The following HS3ST3B1 variants were observed in gnomAD, a reference collection of about 807,000 sequenced individuals.
The protein encoded by HS3ST3B1 is heparan sulfate-glucosamine 3-sulfotransferase 3B1, also known as heparan sulfate glucosamine 3-O-sulfotransferase 3B1.
Under a neutral mutation model 21.3 loss-of-function variants are expected in HS3ST3B1, and 13 were observed. The observed-to-expected ratio is 0.61, with a 90% CI of 0.40 to 0.97. The LOEUF (loss-of-function observed/expected upper bound fraction) is 0.97. Among genes scored for constraint, HS3ST3B1 ranks in the 50% least tolerant of loss-of-function variants. The probability of loss-of-function intolerance (pLI) is 0.00; values close to 1 mark genes in which losing one functional copy is unlikely to be tolerated. For missense variants in HS3ST3B1, 459 were observed against 554.8 expected (o/e 0.83, Z 1.73); for synonymous variants, 234 against 254.8 (o/e 0.92, Z 0.78).
chr17:14,344,971 C>A, intron 1 of HS3ST3B1, 57 bp from the exon 2 acceptor site: 2 of 1,575,916 alleles, frequency 1.3e-6, no homozygotes, highest in South Asian at 1.2e-5. Context: ...GACCTTAAGA[C>A]GTGTGGCCAG....
At chr17:14,321,113 G>A (rs1235304924) in intron 1 of HS3ST3B1, among the ~76,000 whole-genome samples, 7 of 152,240 alleles carry the variant, frequency 4.6e-5, no homozygotes, top group African/African-American at 1.7e-4. Context: ...AGTGTCTGAG[G>A]ATGGAGTTTG....
At chr17:14,329,325 GAAAGAAAGAA>G (rs1909911201) in intron 1 of HS3ST3B1, 1 of 98,488 alleles carries the variant, frequency 1.0e-5, no homozygotes, top group African/African-American at 4.2e-5. Flanking sequence ...GAGAAAGAAA[GAAAGAAAGAA>G]AGAAAGAAAG....
At chr17:14,340,944 C>T (rs1363801428) in intron 1 of HS3ST3B1, among the ~76,000 whole-genome samples, 1 of 152,044 alleles carries the variant, frequency 6.6e-6, no homozygotes, top group Non-Finnish European at 1.5e-5. Context: ...CAGTAGTTCC[C>T]CTGGCTCAGT....
chr17:14,316,705 T>G (rs1027339611), intron 1 of HS3ST3B1, among the ~76,000 whole-genome samples: 4 of 152,260 alleles, frequency 2.6e-5, no homozygotes, highest in African/African-American at 9.6e-5. Flanking sequence ...AATAACTTTT[T>G]AAAAAAATGC....
chr17:14,313,553 C>T (rs1597589292), intron 1 of HS3ST3B1, among the ~76,000 whole-genome samples: 1 of 152,142 alleles, frequency 6.6e-6, no homozygotes, highest in East Asian at 1.9e-4. Context: ...ATACCTTCCC[C>T]AAGACTTCCC....
At chr17:14,318,949 C>G (rs1231870010) in intron 1 of HS3ST3B1, among the ~76,000 whole-genome samples, 1 of 152,180 alleles carries the variant, frequency 6.6e-6, no homozygotes, top group Non-Finnish European at 1.5e-5. Context: ...TGGAAGCCAC[C>G]TCATTTTACC....
intron 1 of HS3ST3B1, among the ~76,000 whole-genome samples, chr17:14,318,079 C>T (rs539253683): frequency 6.6e-6 from 1 of 152,220 alleles, no homozygotes; most frequent in Admixed American, 6.5e-5. Flanking sequence ...ATCCACACAC[C>T]CCCTCCCTGC....
chr17:14,302,421 T>C (rs536489045), intron 1 of HS3ST3B1, among the ~76,000 whole-genome samples: 11 of 152,108 alleles, frequency 7.2e-5, no homozygotes, highest in Non-Finnish European at 1.5e-4. Context: ...TTATGACTCG[T>C]TTTAAATTTT....
chr17:14,311,322 G>A (rs1022310674), intron 1 of HS3ST3B1, among the ~76,000 whole-genome samples: 10 of 151,540 alleles, frequency 6.6e-5, no homozygotes, highest in Admixed American at 1.3e-4. Context: ...CAAGCAGGTC[G>A]TCCTCCTCAA....
intron 1 of HS3ST3B1, among the ~76,000 whole-genome samples, chr17:14,322,869 A>G (rs1035611099): frequency 6.8e-6 from 1 of 147,978 alleles, no homozygotes; most frequent in Admixed American, 6.7e-5. Flanking sequence ...GAATCTCCTG[A>G]AGTTGAGAAG....
chr17:14,302,400 C>G (rs1460481620), intron 1 of HS3ST3B1, among the ~76,000 whole-genome samples: 4 of 152,196 alleles, frequency 2.6e-5, no homozygotes, highest in Non-Finnish European at 5.9e-5. Flanking sequence ...GTATCCGACT[C>G]GAATCGTATT....
At chr17:14,340,633 A>T (rs561132345) in intron 1 of HS3ST3B1, among the ~76,000 whole-genome samples, 2 of 152,100 alleles carry the variant, frequency 1.3e-5, no homozygotes, top group South Asian at 4.2e-4. Context: ...CCCAGGATGG[A>T]GTGCAGTGGC....
chr17:14,341,039 G>A (rs1047436219), intron 1 of HS3ST3B1, among the ~76,000 whole-genome samples: 1 of 152,334 alleles, frequency 6.6e-6, no homozygotes, highest in Admixed American at 6.5e-5. Context: ...GTCCTGGGGA[G>A]AGGGGCCCTC....
chr17:14,344,921 C>T (rs1910502252), intron 1 of HS3ST3B1, 107 bp from the exon 2 acceptor site: 8 of 1,453,050 alleles, frequency 5.5e-6, no homozygotes, highest in Middle Eastern at 1.8e-4. Context: ...GTTTCTACCA[C>T]TGCTTCCAGA....
intron 1 of HS3ST3B1, among the ~76,000 whole-genome samples, chr17:14,343,897 C>CTT (rs55786183): frequency 0.018 from 2,548 of 144,364 alleles, 49 homozygotes; most frequent in African/African-American, 0.041. Context: ...TAATTTCTTT[C>CTT]TTTTTTTTTT....
intron 1 of HS3ST3B1, among the ~76,000 whole-genome samples, chr17:14,306,183 G>C (rs1909134709): frequency 6.6e-6 from 1 of 152,184 alleles, no homozygotes; most frequent in African/African-American, 2.4e-5. Context: ...CCCCCAAGCA[G>C]GATAGTTACT....
At chr17:14,328,166 T>G (rs1909874714) in intron 1 of HS3ST3B1, 3 of 152,200 alleles carry the variant, frequency 2.0e-5, no homozygotes, top group African/African-American at 7.2e-5. Context: ...TATCAAAAAG[T>G]TCTCATAGAA....
chr17:14,302,616 AG>A (rs1555547460), intron 1 of HS3ST3B1, among the ~76,000 whole-genome samples: 1 of 151,984 alleles, frequency 6.6e-6, no homozygotes, highest in Non-Finnish European at 1.5e-5. Context: ...CGGAACCCCA[AG>A]GGTGTCAGAC....
chr17:14,340,644 G>A (rs754326483), intron 1 of HS3ST3B1, among the ~76,000 whole-genome samples: 10 of 152,048 alleles, frequency 6.6e-5, no homozygotes, highest in Admixed American at 2.0e-4. Context: ...GTGCAGTGGC[G>A]CGATCTCAGC....
Sources: allele counts gnomAD v4.1 joint callset (sites outside exome capture counted in the v4.1 genomes callset), GRCh38; gene constraint gnomAD v4.1.1; transcripts MANE v1.5; gene names NCBI Gene and HGNC (gene_info 2026-07-23, HGNC 2026-07-21).